The following MRTFB variants were observed in gnomAD, a reference collection of about 807,000 sequenced individuals.
MRTFB encodes myocardin related transcription factor B.
In MRTFB, 29 loss-of-function variants were observed where a neutral mutation model predicts 104.2. The ratio of observed to expected loss-of-function variants is 0.28; its 90% confidence interval spans 0.21 to 0.38. The LOEUF (loss-of-function observed/expected upper bound fraction) is 0.38. Ranked by LOEUF, MRTFB falls within the 10% of genes least tolerant of loss-of-function variation. The pLI, the probability that MRTFB is intolerant of heterozygous loss-of-function variation, is 1.00. For synonymous variants in MRTFB, 535 were observed against 519.5 expected, an observed-to-expected ratio of 1.03 and a Z score of -0.41; for missense variants, 1,270 against 1,341.6, an observed-to-expected ratio of 0.95 and a Z score of 0.83.
chr16:14,261,300 A>G lies in MRTFB; in HGVS notation c.3156A>G (p.Ser1052=), dbSNP rs201412466. The change falls in exon 17 of 17, where the codon TCA becomes TCG. Residue 1052 remains serine (S), a synonymous_variant. Transcript: ENST00000571589. The part of the protein sequence containing the change: ...AGTPCLSLDL[S]DSNLDNMEWL... ...CTCCCTGTCTGTCTCTCGACCTGTC[A>G]GACTCAAACTTGGACAACATGGAGT... 5.6e-6 allele frequency: 9 copies of G among 1,614,144 alleles called. No homozygotes were observed. In the East Asian group the frequency reaches 2.0e-4, roughly 36 times the overall value.
chr16:14,197,425 C>T (rs1190022934), intron 3 of MRTFB, among the ~76,000 whole-genome samples: 3 of 152,252 alleles, frequency 2.0e-5, no homozygotes, highest in Admixed American at 2.0e-4. Flanking sequence ...ATTTTGTCTT[C>T]GTTCCTACCA....
At chr16:14,063,758 C>T in the MRTFB span, among the ~76,000 whole-genome samples, 1 of 152,182 alleles carries the variant, frequency 6.6e-6, no homozygotes. Flanking sequence ...AGCTGTCGTA[C>T]CTGTAGCCTA....
intron 3 of MRTFB, among the ~76,000 whole-genome samples, chr16:14,185,622 C>T (rs988807130): frequency 3.3e-5 from 5 of 151,284 alleles, no homozygotes; most frequent in Non-Finnish European, 7.4e-5. Context: ...AACCATGCTA[C>T]AGATGTTTAT....
intron 3 of MRTFB, among the ~76,000 whole-genome samples, chr16:14,206,629 C>T (rs61469173): frequency 0.025 from 3,769 of 152,256 alleles, 174 homozygotes; most frequent in African/African-American, 0.086. Context: ...ACGATCTCGG[C>T]TCACTGGGTT....
At chr16:14,218,744 A>G (rs763167230) in intron 7 of MRTFB, 76 bp from the exon 8 acceptor site, 4 of 1,419,434 alleles carry the variant, frequency 2.8e-6, no homozygotes, top group East Asian at 2.4e-5. Flanking sequence ...ATAGGAAACA[A>G]TGTTTTCCTC....
Position 14,146,101 on chromosome 16 carries a change from CAT to C in MRTFB, c.154+5342_154+5343del, listed in dbSNP as rs569206780. Among the ~76,000 whole-genome samples the C allele has an allele frequency of 4.3e-3, 653 of 152,338 alleles. 7 individuals carry two copies. Among genetic ancestry groups the C allele is most frequent in the African/African-American group, 0.015 (611 of 41,574 alleles). ...AAGCAGAGAAGTTAATACAGATTTT[CAT>C]TTTTAAAAACTGTTTGGTATTTTAA... is the stretch of plus-strand genomic sequence containing the variant. On this transcript the variant is annotated intron_variant, in intron 3 of 16. Coordinates refer to ENST00000571589, the MANE Select transcript of MRTFB (RefSeq NM_001308142.2).
At chr16:14,226,964 A>C (rs905597801) in intron 8 of MRTFB, among the ~76,000 whole-genome samples, 2 of 140,414 alleles carry the variant, frequency 1.4e-5, no homozygotes, top group African/African-American at 5.2e-5. Context: ...TGGGGGACAG[A>C]GCGAGAACCT....
chr16:14,231,239 T>A lies in MRTFB; in HGVS notation c.694-2907T>A, dbSNP rs566316326. 2.2e-4 allele frequency among the ~76,000 whole-genome samples: 31 copies of A among 143,222 alleles called. No individual in the cohort carries two copies. The South Asian group carries it at 2.3e-3, about 11-fold the overall frequency. 94.0% of individuals were successfully genotyped at this position (143,222 alleles called of 152,430 possible). A position where few individuals can be genotyped will look rare whatever the true frequency, so the allele number is the denominator to read the frequency against. ...CATGGCACATGTATACATATGTAAC[T>A]AACCTGCACATTGTGCACATGTACC... On this transcript the variant is annotated intron_variant, in intron 8 of 16. Coordinates refer to ENST00000571589, the MANE Select transcript of MRTFB (RefSeq NM_001308142.2).
chr16:14,075,618 G>A (rs1349841144), intron 1 of MRTFB, among the ~76,000 whole-genome samples: 1 of 152,240 alleles, frequency 6.6e-6, no homozygotes, highest in African/African-American at 2.4e-5. Flanking sequence ...TGCTGATGCT[G>A]CTGGTCCAAG....
intron 9 of MRTFB, among the ~76,000 whole-genome samples, chr16:14,239,773 A>G (rs1474580489): frequency 2.6e-5 from 4 of 152,154 alleles, no homozygotes; most frequent in Non-Finnish European, 5.9e-5. Flanking sequence ...TTGCTTAAAG[A>G]TAGTTTATAT....
At chr16:14,252,670 A>T (rs1377051127) in intron 15 of MRTFB, among the ~76,000 whole-genome samples, 168 bp downstream of exon 15, 2 of 152,226 alleles carry the variant, frequency 1.3e-5, no homozygotes, top group Non-Finnish European at 2.9e-5. Context: ...GTCATTTATC[A>T]TGAAGACCTT....
intron 2 of MRTFB, among the ~76,000 whole-genome samples, chr16:14,118,190 G>A (rs1249440480): frequency 6.8e-6 from 1 of 147,092 alleles, no homozygotes; most frequent in Non-Finnish European, 1.5e-5. Flanking sequence ...AGGCTGGAGT[G>A]CAGCAGCATG....
intron 3 of MRTFB, among the ~76,000 whole-genome samples, chr16:14,175,541 G>A (rs2039552371): frequency 6.6e-6 from 1 of 152,094 alleles, no homozygotes; most frequent in Non-Finnish European, 1.5e-5. Flanking sequence ...AAATAAGACT[G>A]CCAATACATT....
the MRTFB span, among the ~76,000 whole-genome samples, chr16:14,053,557 C>T: frequency 2.2e-4 from 33 of 151,924 alleles, no homozygotes; most frequent in African/African-American, 7.7e-4. Context: ...ATGGTGAAAC[C>T]CTGTCTCTAC....
At chr16:14,253,453 T>C (rs1227235679) in intron 15 of MRTFB, among the ~76,000 whole-genome samples, 1 of 152,152 alleles carries the variant, frequency 6.6e-6, no homozygotes, top group Non-Finnish European at 1.5e-5. Flanking sequence ...GGGTAACTTG[T>C]TGGGGCCACA....
At chr16:14,185,148 C>A (rs1007471808) in intron 3 of MRTFB, among the ~76,000 whole-genome samples, 1 of 152,158 alleles carries the variant, frequency 6.6e-6, no homozygotes, top group African/African-American at 2.4e-5. Flanking sequence ...ATAAGCTTGT[C>A]ACTATTTGTT....
upstream of MRTFB, among the ~76,000 whole-genome samples, chr16:14,068,455 T>G (rs111957247): frequency 6.6e-6 from 1 of 152,152 alleles, no homozygotes; most frequent in Non-Finnish European, 1.5e-5. Flanking sequence ...TAAAGGCTTT[T>G]GAGGTAGGGA....
At chr16:14,222,961 A>ACTTAAATCCAACAGTTCAAGTCCAGTCTG (rs2041804613) in intron 8 of MRTFB, among the ~76,000 whole-genome samples, 3 of 151,658 alleles carry the variant, frequency 2.0e-5, no homozygotes, top group African/African-American at 7.3e-5. Context: ...CAGGAGGATT[A>ACTTAAATCCAACAGTTCAAGTCCAGTCTG]CTTAAATCCA....
chr16:14,233,318 G>T (rs1424391605), intron 8 of MRTFB, among the ~76,000 whole-genome samples: 1 of 152,178 alleles, frequency 6.6e-6, no homozygotes, highest in East Asian at 1.9e-4. Flanking sequence ...GAGAGTTCTA[G>T]TCAGATTTGG....
Sources: allele counts gnomAD v4.1 joint callset (sites outside exome capture counted in the v4.1 genomes callset), GRCh38; gene constraint gnomAD v4.1.1; transcripts MANE v1.5; gene names NCBI Gene and HGNC (gene_info 2026-07-23, HGNC 2026-07-21).